PRKCA: variants seen among roughly 807,000 people sequenced by gnomAD.
PRKCA encodes protein kinase C alpha type.
Under a neutral mutation model 87.0 loss-of-function variants are expected in PRKCA, and 27 were observed. That is an observed-to-expected ratio of 0.31 (90% CI 0.23 to 0.43). PRKCA has a LOEUF of 0.43. Ranked by LOEUF, PRKCA falls within the 20% of genes least tolerant of loss-of-function variation. The pLI is 1.00. For missense variants in PRKCA, 518 were observed against 852.3 expected (o/e 0.61, Z 4.88); for synonymous variants, 329 against 311.1 (o/e 1.06, Z -0.61).
intron 2 of PRKCA, among the ~76,000 whole-genome samples, chr17:66,488,675 A>G (rs1916089222): frequency 6.6e-6 from 1 of 152,200 alleles, no homozygotes; most frequent in Non-Finnish European, 1.5e-5. Flanking sequence ...TCTCCTAAAG[A>G]AGGGGGAAAG....
At position 66,788,913 on chromosome 17, in the gene PRKCA, C is replaced by A. The variant is rs769392914; in HGVS notation, c.1788C>A (p.Phe596Leu). Residue 596 changes from phenylalanine (F) to leucine (L), a missense_variant, in exon 16 of 17, where the codon TTC becomes TTA. Transcript: ENST00000413366. Reference sequence around the variant, plus strand: ...AGAGGGACGTGAGAGAGCATGCCTTCTTCCGGAGGATCGACTGGGAAAAAC... The same window carrying A: ...AGAGGGACGTGAGAGAGCATGCCTTATTCCGGAGGATCGACTGGGAAAAAC... ...EGERDVREHA[F>L]FRRIDWEKLE... 4 of 1,614,068 alleles carry A rather than the reference C, an allele frequency of 2.5e-6. No individual in the cohort carries two copies. In the Admixed American group the frequency reaches 5.0e-5, roughly 20 times the overall value.
At chr17:66,661,941 G>A (rs1368833984) in intron 5 of PRKCA, among the ~76,000 whole-genome samples, 1 of 152,180 alleles carries the variant, frequency 6.6e-6, no homozygotes, top group East Asian at 1.9e-4. Flanking sequence ...TTGCTGCCTT[G>A]GCAGACCCTC....
intron 2 of PRKCA, among the ~76,000 whole-genome samples, chr17:66,454,547 T>TG (rs1914492919): frequency 1.3e-5 from 2 of 152,166 alleles, no homozygotes; most frequent in Non-Finnish European, 2.9e-5. Context: ...GAAAGAGGTT[T>TG]AATGGACTCA....
At chr17:66,419,242 A>G (rs1912352860) in intron 2 of PRKCA, among the ~76,000 whole-genome samples, 2 of 152,212 alleles carry the variant, frequency 1.3e-5, no homozygotes, top group South Asian at 2.1e-4. Flanking sequence ...TTCTGTAAGC[A>G]TACTGAGTAG....
chr17:66,303,130 G>C, intron 1 of PRKCA, 106 bp downstream of exon 1: 1 of 1,424,474 alleles, frequency 7.0e-7, no homozygotes, highest in African/African-American at 1.5e-5. Context: ...CCGATAACTT[G>C]GAACCGGCGG....
intron 1 of PRKCA, among the ~76,000 whole-genome samples, chr17:66,304,606 T>A (rs1475939914): frequency 6.6e-6 from 1 of 152,162 alleles, no homozygotes; most frequent in African/African-American, 2.4e-5. Flanking sequence ...TATGGATGGC[T>A]CTGTCGGAAT....
chr17:66,683,519 G>T (rs1405223003), intron 5 of PRKCA, among the ~76,000 whole-genome samples: 1 of 152,098 alleles, frequency 6.6e-6, no homozygotes, highest in African/African-American at 2.4e-5. Context: ...AACATCCCAG[G>T]TGTTTCCAGG....
intron 2 of PRKCA, among the ~76,000 whole-genome samples, chr17:66,454,822 A>G (rs1914507597): frequency 6.6e-6 from 1 of 152,246 alleles, no homozygotes. Context: ...AAACCGTATC[A>G]GTAGGTTTAA....
At chr17:66,685,716 C>T (rs1972609744) in intron 5 of PRKCA, among the ~76,000 whole-genome samples, 1 of 152,224 alleles carries the variant, frequency 6.6e-6, no homozygotes, top group African/African-American at 2.4e-5. Flanking sequence ...AAAGACCCAA[C>T]ATCTTTAGGG....
chr17:66,750,323 A>G (rs945715223), intron 13 of PRKCA, among the ~76,000 whole-genome samples: 6 of 152,064 alleles, frequency 3.9e-5, no homozygotes, highest in Middle Eastern at 3.2e-3. Flanking sequence ...ATTTCCCTCT[A>G]TGGAGGGTCA....
chr17:66,324,482 G>T (rs1415544588), intron 2 of PRKCA, among the ~76,000 whole-genome samples: 1 of 150,954 alleles, frequency 6.6e-6, no homozygotes, highest in South Asian at 2.1e-4. Flanking sequence ...GCATGGTGGT[G>T]TGTGCCTGTA....
At chr17:66,709,449 T>G (rs548288504) in intron 8 of PRKCA, among the ~76,000 whole-genome samples, 59 of 151,806 alleles carry the variant, frequency 3.9e-4, no homozygotes, top group Admixed American at 6.6e-4. Context: ...TAGCTGGGAC[T>G]ACAGGCTTGA....
At chr17:66,594,610 G>A (rs1786108230) in intron 3 of PRKCA, among the ~76,000 whole-genome samples, 1 of 137,404 alleles carries the variant, frequency 7.3e-6, no homozygotes. Context: ...GCAACATGTG[G>A]GTTTTTTTTT....
intron 3 of PRKCA, among the ~76,000 whole-genome samples, chr17:66,570,955 C>T (rs979760599): frequency 1.3e-5 from 2 of 152,172 alleles, no homozygotes; most frequent in African/African-American, 4.8e-5. Context: ...GAAATCACAT[C>T]CACCCACCTC....
chr17:66,360,764 T>A (rs1908344176), intron 2 of PRKCA, among the ~76,000 whole-genome samples: 1 of 152,186 alleles, frequency 6.6e-6, no homozygotes, highest in South Asian at 2.1e-4. Context: ...TAATGCAGGT[T>A]CTTGGCCCTT....
At chr17:66,738,984 G>A (rs1179679873) in intron 11 of PRKCA, 129 bp downstream of exon 11, 2 of 691,454 alleles carry the variant, frequency 2.9e-6, no homozygotes, top group Non-Finnish European at 5.0e-6. Flanking sequence ...CCAGGCTCGG[G>A]TGATTCTCCC....
intron 11 of PRKCA, among the ~76,000 whole-genome samples, chr17:66,739,482 TGCTCCCTTTCCAGAGGG>T (rs1974108481): frequency 6.6e-6 from 1 of 152,130 alleles, no homozygotes; most frequent in Non-Finnish European, 1.5e-5. Flanking sequence ...AGGAACGAGG[TGCTCCCTTTCCAGAGGG>T]AGTTTACACT....
chr17:66,462,596 T>C (rs1478774178), intron 2 of PRKCA, among the ~76,000 whole-genome samples: 1 of 152,228 alleles, frequency 6.6e-6, no homozygotes, highest in African/African-American at 2.4e-5. Context: ...CCATCTTTTT[T>C]AATCTACTGA....
chr17:66,522,068 C>T (rs1032996698), intron 3 of PRKCA, among the ~76,000 whole-genome samples: 4 of 152,284 alleles, frequency 2.6e-5, no homozygotes, highest in South Asian at 2.1e-4. Context: ...TTAGCTTCCA[C>T]CCTGTATGAC....
Sources: gnomAD v4.1 joint callset for allele counts (sites outside exome capture counted in the v4.1 genomes callset) on GRCh38, gnomAD v4.1.1 for gene constraint, MANE v1.5 for transcripts, NCBI Gene and HGNC (gene_info 2026-07-23, HGNC 2026-07-21) for gene names.